The following MMS19 variants were observed in gnomAD, a reference collection of about 807,000 sequenced individuals.
MMS19 encodes MMS19 nucleotide excision repair protein homolog.
Under a neutral mutation model 129.8 loss-of-function variants are expected in MMS19, and 77 were observed. That is an observed-to-expected ratio of 0.59 (90% CI 0.49 to 0.72). The LOEUF (loss-of-function observed/expected upper bound fraction) is 0.72, where lower values mean the gene tolerates loss of function less well. Ranked by LOEUF, MMS19 falls within the 30% of genes least tolerant of loss-of-function variation. The pLI is 0.00. For missense variants in MMS19, 1,168 were observed against 1,266.3 expected, an observed-to-expected ratio of 0.92 and a Z score of 1.18; for synonymous variants, 491 against 502.8, an observed-to-expected ratio of 0.98 and a Z score of 0.31.
At chr10:97,481,684 C>G (rs1041441482) in intron 2 of MMS19, among the ~76,000 whole-genome samples, 1 of 151,926 alleles carries the variant, frequency 6.6e-6, no homozygotes, top group African/African-American at 2.4e-5. Flanking sequence ...AATTGCTCTA[C>G]GGAGATTATA....
Position 97,466,553 on chromosome 10 carries a change from C to A in MMS19, c.1456G>T (p.Val486Leu). 1 of 1,613,840 alleles carries A rather than the reference C, an allele frequency of 6.2e-7. No homozygotes were observed. The change falls in exon 16 of 31, where the codon GTG becomes TTG. Residue 486 changes from valine to leucine, a missense_variant. Transcript: ENST00000438925. ...AAGCTCAGTCTGTACAGGTGACCCA[C>A]TGCCAGCTCCAAGTCCTCATAAGAT... is the stretch of plus-strand genomic sequence containing the variant. Reference protein sequence around the residue: ...LLSYEDLELAVGHLYRLSFLK... With the variant: ...LLSYEDLELALGHLYRLSFLK...
intron 8 of MMS19, among the ~76,000 whole-genome samples, chr10:97,474,508 A>C (rs978417953): frequency 1.3e-5 from 2 of 152,200 alleles, no homozygotes; most frequent in Non-Finnish European, 2.9e-5. Context: ...GGATTGTGTT[A>C]CTGCACTCCA....
intron 18 of MMS19, among the ~76,000 whole-genome samples, chr10:97,464,784 G>A (rs1390611779): frequency 6.6e-6 from 1 of 150,540 alleles, no homozygotes; most frequent in African/African-American, 2.4e-5. Context: ...TCCAACCTCT[G>A]CCTCCCGGGC....
intron 2 of MMS19, among the ~76,000 whole-genome samples, 164 bp downstream of exon 2, chr10:97,483,939 G>A (rs1484112290): frequency 6.6e-6 from 1 of 152,200 alleles, no homozygotes; most frequent in Admixed American, 6.5e-5. Context: ...TTTTTCAGGA[G>A]AAACAATTCA....
intron 16 of MMS19, 67 bp from the exon 17 acceptor site, chr10:97,466,226 AT>A: frequency 7.7e-7 from 1 of 1,298,890 alleles, no homozygotes; most frequent in Non-Finnish European, 1.1e-6. Flanking sequence ...TACGTCTGAT[AT>A]TAGGCAGATT....
chr10:97,475,392 T>C (rs983559307), intron 8 of MMS19, among the ~76,000 whole-genome samples: 1 of 152,246 alleles, frequency 6.6e-6, no homozygotes, highest in African/African-American at 2.4e-5. Flanking sequence ...TTTTGGACTT[T>C]GAATCATGTG....
chr10:97,484,862 A>C (rs2037535501), intron 1 of MMS19, among the ~76,000 whole-genome samples: 1 of 152,068 alleles, frequency 6.6e-6, no homozygotes, highest in African/African-American at 2.4e-5. Flanking sequence ...TGGTATAATC[A>C]CAGCCTCCCA....
Position 97,466,782 on chromosome 10 carries a change from G to A in MMS19, c.1417C>T (p.Gln473Ter). 6.2e-7 allele frequency: 1 copy of A among 1,614,006 alleles called. No homozygotes were observed. The highest frequency in any genetic ancestry group is 8.5e-7 in the Non-Finnish European group (1 of 1,179,896). ...GIRTLTVLGA[Q>*]PDLLSYEDLE... ...TCTTTCCCTTAAGATGTACCTGGCT[G>A]GGCACCCAAGACTGTCAGTGTACGG... The change falls in exon 15 of 31, where the codon CAG becomes TAG. Residue 473 changes from glutamine to a stop codon, truncating the protein, a stop_gained. Coordinates refer to ENST00000438925, the MANE Select transcript of MMS19 (RefSeq NM_022362.5). LOFTEE classifies it high-confidence loss of function.
rs577532567 is a variant in MMS19 at position 97,479,732 on chromosome 10, GT to G, written c.262+1209del. 5.5e-3 allele frequency among the ~76,000 whole-genome samples: 829 copies of G among 151,622 alleles called. 3 individuals carry two copies. The highest frequency in any genetic ancestry group is 0.016 in the African/African-American group (652 of 41,294). ...TTATTTTGTGAACTATATCAGTAGT[GT>G]ACATTACCATATAATGTAAAAACAT... On this transcript the variant is annotated intron_variant, in intron 3 of 30. Coordinates refer to ENST00000438925, the MANE Select transcript of MMS19 (RefSeq NM_022362.5).
At chr10:97,479,015 G>A (rs527572292) in intron 3 of MMS19, among the ~76,000 whole-genome samples, 4 of 152,098 alleles carry the variant, frequency 2.6e-5, no homozygotes, top group African/African-American at 7.2e-5. Context: ...GAGGTTTAAG[G>A]CCACCCTGAG....
chr10:97,460,780 G>C, intron 24 of MMS19, 29 bp from the exon 25 acceptor site: 3 of 1,580,748 alleles, frequency 1.9e-6, no homozygotes, highest in Non-Finnish European at 1.7e-6. Context: ...AGAGCAATTG[G>C]GGAATGACAC....
intron 15 of MMS19, 21 bp from the exon 16 acceptor site, chr10:97,466,606 G>T: frequency 1.2e-6 from 2 of 1,600,612 alleles, no homozygotes; most frequent in Admixed American, 1.7e-5. Context: ...AAGGGAACAT[G>T]AATCTCATCT....
At chr10:97,477,159 C>T in intron 6 of MMS19, 188 bp downstream of exon 6, 1 of 1,474,426 alleles carries the variant, frequency 6.8e-7, no homozygotes, top group Non-Finnish European at 9.0e-7. Flanking sequence ...GAATTTAAAA[C>T]ACTGGCTCAA....
At chr10:97,477,015 G>A in intron 6 of MMS19, 52 bp from the exon 7 acceptor site, 1 of 1,609,448 alleles carries the variant, frequency 6.2e-7, no homozygotes, top group Non-Finnish European at 8.5e-7. Context: ...CAGAAAGTGT[G>A]GGCTTTCTCC....
At chr10:97,462,488 G>T in intron 20 of MMS19, 95 bp downstream of exon 20, 1 of 862,328 alleles carries the variant, frequency 1.2e-6, no homozygotes, top group Non-Finnish European at 1.9e-6. Context: ...TTACATATAG[G>T]TAAAAGGACA....
intron 1 of MMS19, among the ~76,000 whole-genome samples, chr10:97,491,413 T>A (rs1308741217): frequency 6.6e-6 from 1 of 152,214 alleles, no homozygotes; most frequent in Admixed American, 6.5e-5. Context: ...ACGCCTATAA[T>A]CCCAGCACTC....
At chr10:97,486,859 T>C (rs12360052) in intron 1 of MMS19, among the ~76,000 whole-genome samples, 31,426 of 77,768 alleles carry the variant, frequency 0.4, 5,814 homozygotes, top group Non-Finnish European at 0.49. Context: ...GAAATTAAAG[T>C]GCCATATATA....
At chr10:97,459,801 C>A in intron 26 of MMS19, 60 bp from the exon 27 acceptor site, 2 of 1,340,800 alleles carry the variant, frequency 1.5e-6, no homozygotes, top group South Asian at 2.5e-5. Flanking sequence ...CTTGAGAAAT[C>A]AATTCCAATC....
At chr10:97,459,070 G>T (rs955677342) in intron 29 of MMS19, among the ~76,000 whole-genome samples, 153 bp downstream of exon 29, 3 of 151,982 alleles carry the variant, frequency 2.0e-5, no homozygotes, top group Non-Finnish European at 4.4e-5. Context: ...CCAAGGAAAA[G>T]AATCCTTGGG....
Sources: allele counts gnomAD v4.1 joint callset (sites outside exome capture counted in the v4.1 genomes callset), GRCh38; gene constraint gnomAD v4.1.1; transcripts MANE v1.5; gene names NCBI Gene and HGNC (gene_info 2026-07-23, HGNC 2026-07-21).